The following HERC2 variants were observed in gnomAD, a reference collection of about 807,000 sequenced individuals.
The protein encoded by HERC2 is HECT and RLD domain containing E3 ubiquitin protein ligase 2.
A neutral mutation model predicts 537.7 loss-of-function variants in HERC2; 102 were observed. That is an observed-to-expected ratio of 0.19 (90% CI 0.16 to 0.22). The LOEUF (loss-of-function observed/expected upper bound fraction) is 0.22. HERC2 is among the 10% of genes least tolerant of loss of function. The pLI, the probability that HERC2 is intolerant of heterozygous loss-of-function variation, is 1.00. For synonymous variants in HERC2, 2,224 were observed against 2,466.2 expected (o/e 0.90, Z 2.91); for missense variants, 4,236 against 6,198.2 (o/e 0.68, Z 10.63).
In HERC2 at chr15:28,255,885, G is replaced by C; in HGVS notation, c.2858C>G (p.Thr953Ser). 6 of 1,600,242 alleles carry C rather than the reference G, an allele frequency of 3.7e-6. No homozygotes were observed. The highest frequency in any genetic ancestry group is 1.1e-5 in the South Asian group (1 of 91,024). ...CCAAAGCCATACCTGGATCTCTGCAGTAATGGCTGCGTGTAAGGCTGACTC... is the reference window on the plus strand; with the variant it reads ...CCAAAGCCATACCTGGATCTCTGCACTAATGGCTGCGTGTAAGGCTGACTC... ...GLESALHAAI[T>S]AEIQDIEAKK... Residue 953 changes from threonine to serine, a missense_variant, in exon 19 of 93, where the codon ACT becomes AGT. By Grantham distance (58) the Thr-to-Ser change is moderately conservative. This residue lies in a region of HERC2 where 754 missense variants were observed against 1,085.0 expected (regional missense o/e 0.69). Coordinates refer to ENST00000261609, the MANE Select transcript of HERC2 (RefSeq NM_004667.6).
intron 86 of HERC2, chr15:28,117,475 C>A (rs1255884659): frequency 3.2e-6 from 2 of 634,860 alleles, no homozygotes; most frequent in Non-Finnish European, 5.8e-6. Flanking sequence ...CCCGGCAGCA[C>A]CACCCTGGCA....
At chr15:28,223,216 G>A (rs968864768) in intron 35 of HERC2, among the ~76,000 whole-genome samples, 9 of 152,150 alleles carry the variant, frequency 5.9e-5, no homozygotes, top group East Asian at 5.8e-4. Context: ...AAATAGGAGC[G>A]CTAACCCCAG....
chr15:28,111,811 G>C lies in HERC2; in HGVS notation c.14457C>G (p.Val4819=). ...DSSDDSDNED[V]DSFASDSTQD... is the part of the protein sequence containing the mutation. ...GTGTAGAGTCCGAAGCAAAGGAGTC[G>C]ACATCCTCGTTATCTGAATCGTCGC... Residue 4819 remains valine, a synonymous_variant, in exon 93 of 93, where the codon GTC becomes GTG. Transcript: ENST00000261609. The C allele has an allele frequency of 6.2e-7, 1 of 1,614,172 alleles. No homozygotes were observed. The highest frequency in any genetic ancestry group is 8.5e-7 in the Non-Finnish European group (1 of 1,180,036).
chr15:28,225,274 A>G (rs59649986), intron 35 of HERC2, among the ~76,000 whole-genome samples: 2,807 of 146,240 alleles, frequency 0.019, 82 homozygotes, highest in African/African-American at 0.075. Context: ...AAAACAAAAA[A>G]ATACAAAGCA....
chr15:28,253,044 A>G (rs2075134629), intron 20 of HERC2, among the ~76,000 whole-genome samples: 4 of 152,256 alleles, frequency 2.6e-5, no homozygotes. Context: ...CTATGTGTAG[A>G]AACTAAAACC....
At chr15:28,156,233 C>T (rs893892144) in intron 69 of HERC2, among the ~76,000 whole-genome samples, 9 of 152,162 alleles carry the variant, frequency 5.9e-5, no homozygotes, top group African/African-American at 1.9e-4. Context: ...TTAGGATTGA[C>T]TTGGCAATGC....
chr15:28,286,428 T>A (rs773956858), intron 4 of HERC2, among the ~76,000 whole-genome samples: 5 of 152,150 alleles, frequency 3.3e-5, no homozygotes, highest in Non-Finnish European at 4.4e-5. Flanking sequence ...TGCCAAGTAG[T>A]TTCATTCCAG....
At position 28,143,893 on chromosome 15, in the gene HERC2, CATT is replaced by C; in HGVS notation, c.11395_11397del (p.Asn3799del). 2 of 1,614,148 alleles carry C rather than the reference CATT, an allele frequency of 1.2e-6. No individual in the cohort carries two copies. The highest frequency in any genetic ancestry group is 1.7e-6 in the Non-Finnish European group (2 of 1,180,032). ...CATACCAAAGCTCTTGTTTCCCCAT[CATT>C]TTCTCCAAGCAGCCTATTTATGTTA... is the stretch of plus-strand genomic sequence containing the variant. On this transcript the variant is annotated inframe_deletion, in exon 74 of 93. Transcript: ENST00000261609.
Position 28,116,768 on chromosome 15 carries a change from G to C in HERC2, c.13506C>G (p.Ile4502Met), listed in dbSNP as rs370614232. ...ELQNGLTPLL[I>M]VTPNGRDESG... ...ACTCATCCCTCCCGTTGGGTGTCAC[G>C]ATCAGCAGGGGCGTGAGTCCGTTCT... Residue 4502 changes from isoleucine to methionine, a missense_variant, in exon 88 of 93, where the codon ATC becomes ATG. Ile to Met is a conservative substitution (Grantham distance 10). Coordinates refer to ENST00000261609, the MANE Select transcript of HERC2 (RefSeq NM_004667.6). 9 of 1,613,722 alleles carry C rather than the reference G, an allele frequency of 5.6e-6. No homozygotes were observed. Among genetic ancestry groups the C allele is most frequent in the Non-Finnish European group, 7.6e-6 (9 of 1,179,852 alleles).
rs760701617 is a variant in HERC2 at position 28,255,936 on chromosome 15, C to T, written c.2807G>A (p.Gly936Asp). 1 of 1,605,386 alleles carries T rather than the reference C, an allele frequency of 6.2e-7. No homozygotes were observed. Among genetic ancestry groups the T allele is most frequent in the South Asian group, 1.1e-5 (1 of 91,070 alleles). Reference protein sequence around the residue: ...GRRFMIDLLVGSLMADGGLES... With the variant: ...GRRFMIDLLVDSLMADGGLES... ...CAACCCTCCATCAGCCATCAAGCTG[C>T]CCACCAGAAGATCAATCATGAATCG... The change falls in exon 19 of 93, where the codon GGC becomes GAC. Residue 936 changes from glycine (G) to aspartate (D), a missense_variant. Physicochemically the swap from Gly to Asp is moderately conservative, Grantham distance 94. Around this residue, in one of 27 missense-constraint regions of HERC2, gnomAD observed 754 missense variants for 1,085.0 expected, o/e 0.69. Transcript: ENST00000261609.
rs1157059881 is a variant in HERC2 at position 28,228,359 on chromosome 15, G to A, written c.5323C>T (p.Pro1775Ser). The change falls in exon 35 of 93, where the codon CCG becomes TCG. Residue 1775 changes from proline (P) to serine (S), a missense_variant. Pro to Ser is a moderately conservative substitution (Grantham distance 74). Transcript: ENST00000261609. Reference sequence around the variant, plus strand: ...GCTTGCGGGATGGTCCCCAGGCTCGGTCCTGACGGGTTCTCATTGGTGATG... The same window carrying A: ...GCTTGCGGGATGGTCCCCAGGCTCGATCCTGACGGGTTCTCATTGGTGATG... Reference protein sequence around the residue: ...QTITNENPSGPSLGTIPQARF... With the variant: ...QTITNENPSGSSLGTIPQARF... 3.1e-6 allele frequency: 5 copies of A among 1,612,112 alleles called. No individual in the cohort carries two copies. In the South Asian group the frequency reaches 5.5e-5, roughly 18 times the overall value.
chr15:28,228,483 G>A (rs1414077304), intron 34 of HERC2, 74 bp from the exon 35 acceptor site: 23 of 1,359,536 alleles, frequency 1.7e-5, no homozygotes, highest in Admixed American at 5.4e-5. Context: ...AAGCACGGGC[G>A]ATTACTCTAA....
Position 28,233,139 on chromosome 15 carries a change from T to G in HERC2, c.4675+7A>C. The G allele has an allele frequency of 6.2e-7, 1 of 1,607,228 alleles. No homozygotes were observed. The highest frequency in any genetic ancestry group is 8.5e-7 in the Non-Finnish European group (1 of 1,176,018). ...TAATAGTATCTTCTGTCCTTTTACA[T>G]TCTTACCTCTCTTTTTCCTTCGTTC... On this transcript the variant is annotated splice_region_variant and intron_variant, in intron 30 of 92. Transcript: ENST00000261609.
intron 16 of HERC2, among the ~76,000 whole-genome samples, chr15:28,260,460 G>A (rs2075387993): frequency 1.3e-5 from 2 of 152,188 alleles, no homozygotes; most frequent in South Asian, 4.1e-4. Context: ...TCAGGATCAA[G>A]GCAGGGTGCC....
At chr15:28,114,571 T>C (rs1566905552) in intron 90 of HERC2, 41 bp downstream of exon 90, 1 of 1,577,994 alleles carries the variant, frequency 6.3e-7, no homozygotes, top group Admixed American at 1.7e-5. Context: ...CTGCTACTTT[T>C]GCTATTTATG....
chr15:28,172,073 CA>C (rs371110090), intron 65 of HERC2, among the ~76,000 whole-genome samples: 93 of 55,062 alleles, frequency 1.7e-3, no homozygotes, highest in Admixed American at 3.2e-3. Context: ...GACTCCGTCT[CA>C]AAAAAAAAAA....
At chr15:28,208,521 G>T (rs1898738157) in intron 44 of HERC2, among the ~76,000 whole-genome samples, 2 of 151,936 alleles carry the variant, frequency 1.3e-5, no homozygotes, top group Admixed American at 6.6e-5. Context: ...TCACCCGAAG[G>T]TCAATGCTTA....
rs368166576 is a variant in HERC2 at position 28,170,759 on chromosome 15, AG to A, written c.10058-1105del. On this transcript the variant is annotated intron_variant, in intron 65 of 92. Coordinates refer to ENST00000261609, the MANE Select transcript of HERC2 (RefSeq NM_004667.6). ...TATCTGCATAACACACATCTGCCAA[AG>A]GACTAGAAACATCTAGAATATATAA... Among the ~76,000 whole-genome samples, 559 of 152,260 alleles carry A rather than the reference AG, an allele frequency of 3.7e-3. 2 individuals carry two copies. Among genetic ancestry groups the A allele is most frequent in the African/African-American group, 0.013 (529 of 41,546 alleles).
rs2525981 is a variant in HERC2 at position 28,233,697 on chromosome 15, A to G, written c.4318T>C (p.Leu1440=). 800 of 1,613,808 alleles carry G rather than the reference A, an allele frequency of 5.0e-4. 3 individuals are homozygous for G. The highest frequency in any genetic ancestry group is 3.4e-3 in the African/African-American group (254 of 75,020). Residue 1440 remains leucine (L), a synonymous_variant, in exon 28 of 93, where the codon TTG becomes CTG. Coordinates refer to ENST00000261609, the MANE Select transcript of HERC2 (RefSeq NM_004667.6). ...TCATGTTTTAAGAGGCAACATAACA[A>G]CAAGCGACCGACCTCTTCCACGGGA... ...EHPVEEVGRL[L]LCCLLKHEDL...
Sources: allele counts gnomAD v4.1 joint callset (sites outside exome capture counted in the v4.1 genomes callset), GRCh38; gene constraint gnomAD v4.1.1; regional missense constraint gnomAD v4.1.1; transcripts MANE v1.5; gene names NCBI Gene and HGNC (gene_info 2026-07-23, HGNC 2026-07-21).